Variants in MAGOHB observed in about 807,000 individuals in gnomAD.
MAGOHB encodes mago homolog B, exon junction complex subunit, also known as protein mago nashi homolog 2.
A neutral mutation model predicts 20.9 loss-of-function variants in MAGOHB; 15 were observed. The observed-to-expected ratio is 0.72, with a 90% CI of 0.48 to 1.11. The LOEUF is 1.11. Among genes scored for constraint, MAGOHB ranks in the 50% least tolerant of loss-of-function variants. MAGOHB has a pLI of 0.00. For synonymous variants in MAGOHB, 50 were observed against 57.9 expected (o/e 0.86, Z 0.62); for missense variants, 162 against 177.6 (o/e 0.91, Z 0.50).
chr12:10,607,637 G>T (rs954622757), intron 4 of MAGOHB, among the ~76,000 whole-genome samples: 6 of 152,118 alleles, frequency 3.9e-5, no homozygotes, highest in Non-Finnish European at 8.8e-5. Flanking sequence ...ATATACAGCT[G>T]TTGGATTAAA....
downstream of MAGOHB, among the ~76,000 whole-genome samples, chr12:10,600,862 A>C (rs1865547377): frequency 6.6e-6 from 1 of 152,216 alleles, no homozygotes; most frequent in South Asian, 2.1e-4. Flanking sequence ...AGAGAGGCAC[A>C]GAACAGCAGG....
chr12:10,609,713 G>A lies in MAGOHB; in HGVS notation c.264+118C>T. 4.6e-6 allele frequency: 3 copies of A among 646,818 alleles called. No homozygotes were observed. In the South Asian group the frequency reaches 5.9e-5, roughly 13 times the overall value. The allele number at this position is 646,818 out of a possible 1,614,324, so 40.1% of individuals were successfully genotyped here. A position where few individuals can be genotyped will look rare whatever the true frequency, so the allele number is the denominator to read the frequency against. ...TAAAATTAAAGAGAATTTACCAGGT[G>A]CCTATTAAATAGAAAGCCAAAGAAT... On this transcript the variant is annotated intron_variant, in intron 3 of 4. Coordinates refer to ENST00000320756, the MANE Select transcript of MAGOHB (RefSeq NM_018048.5).
downstream of MAGOHB, among the ~76,000 whole-genome samples, chr12:10,601,217 CAG>C (rs1162409352): frequency 6.6e-6 from 1 of 152,120 alleles, no homozygotes; most frequent in African/African-American, 2.4e-5. Context: ...GAAAAGGTGA[CAG>C]AGATACTGTC....
intron 1 of MAGOHB, chr12:10,612,714 T>C: frequency 8.6e-7 from 1 of 1,160,978 alleles, no homozygotes. Flanking sequence ...TATATCCAAA[T>C]GAACTTTCTT....
chr12:10,612,238 AACATAACAT>A (rs1173169329), intron 1 of MAGOHB, among the ~76,000 whole-genome samples: 23 of 149,618 alleles, frequency 1.5e-4, no homozygotes, highest in African/African-American at 5.5e-4. Context: ...AACATAACAT[AACATAACAT>A]AATTAGCTGG....
chr12:10,605,241 G>A lies in MAGOHB; in HGVS notation c.*1034C>T, dbSNP rs1156427493. On this transcript the variant is annotated 3_prime_UTR_variant, in exon 5 of 5. Transcript: ENST00000320756. ...TACCCTATTGGACTGCACATAGAAC[G>A]TTTCCATTATTGCAAAAAAGTTATT... The A allele has an allele frequency of 3.9e-5, 6 of 152,166 alleles. No individual in the cohort carries two copies. The highest frequency in any genetic ancestry group is 4.1e-4 in the South Asian group (2 of 4,826). The allele number at this position is 152,166 out of a possible 1,614,324, so 9.4% of individuals were successfully genotyped here.
intron 1 of MAGOHB, among the ~76,000 whole-genome samples, chr12:10,612,247 T>TAACATAACATAACATAACATA (rs1555146632): frequency 6.5e-5 from 9 of 139,060 alleles, no homozygotes; most frequent in African/African-American, 2.4e-4. Context: ...TAACATAACA[T>TAACATAACATAACATAACATA]AATTAGCTGG....
downstream of MAGOHB, among the ~76,000 whole-genome samples, chr12:10,602,697 CTCA>C (rs1865564503): frequency 6.6e-6 from 1 of 152,180 alleles, no homozygotes; most frequent in Non-Finnish European, 1.5e-5. Context: ...TATTAATTTG[CTCA>C]TCTTCTGGCT....
rs757118689 is a variant in MAGOHB at position 10,606,209 on chromosome 12, C to G, written c.*66G>C. 191 of 873,570 alleles carry G rather than the reference C, an allele frequency of 2.2e-4. No homozygotes were observed. Among genetic ancestry groups the G allele is most frequent in the Non-Finnish European group, 3.1e-4 (180 of 572,640 alleles). 54.1% of individuals were successfully genotyped at this position (873,570 alleles called of 1,614,324 possible). Reference sequence around the variant, plus strand: ...CTTCACATTCATAAAAACCCCAATACTGTAAATGACAAATAACCCCTCCCA... The same window carrying G: ...CTTCACATTCATAAAAACCCCAATAGTGTAAATGACAAATAACCCCTCCCA... On this transcript the variant is annotated 3_prime_UTR_variant, in exon 5 of 5. Transcript: ENST00000320756.
downstream of MAGOHB, among the ~76,000 whole-genome samples, chr12:10,601,072 C>T (rs1865549585): frequency 6.6e-6 from 1 of 152,106 alleles, no homozygotes; most frequent in African/African-American, 2.4e-5. Flanking sequence ...CTTCGTCAAT[C>T]CCAAATCAGA....
At chr12:10,609,962 AATGAG>A in intron 2 of MAGOHB, 21 bp from the exon 3 acceptor site, 1 of 1,383,204 alleles carries the variant, frequency 7.2e-7, no homozygotes, top group Non-Finnish European at 1.0e-6. Context: ...ATCATAATAA[AATGAG>A]ATAATGCCCA....
chr12:10,611,662 C>A (rs764409281), intron 1 of MAGOHB, among the ~76,000 whole-genome samples: 10 of 144,892 alleles, frequency 6.9e-5, no homozygotes, highest in African/African-American at 2.1e-4. Context: ...GCAGGAGAAT[C>A]GCTTCAATCC....
rs143571407 is a variant in MAGOHB, at chr12:10,613,519, C to T, written c.14G>A (p.Ser5Asn). Reference sequence around the variant, plus strand: ...TACGTAGTAGCGCAGGTAGAAATCGCTAGCCACAGCCATTTTTGTACCCGG... The same window carrying T: ...TACGTAGTAGCGCAGGTAGAAATCGTTAGCCACAGCCATTTTTGTACCCGG... MAVA[S>N]DFYLRYYVGH... Residue 5 changes from serine to asparagine, a missense_variant, in exon 1 of 5, where the codon AGC becomes AAC. Physicochemically the swap from Ser to Asn is conservative, Grantham distance 46. Coordinates refer to ENST00000320756, the MANE Select transcript of MAGOHB (RefSeq NM_018048.5). 269 of 1,613,832 alleles carry T rather than the reference C, an allele frequency of 1.7e-4. No homozygotes were observed. Among genetic ancestry groups the T allele is most frequent in the Non-Finnish European group, 2.1e-4 (250 of 1,179,828 alleles).
intron 1 of MAGOHB, chr12:10,612,691 A>T: frequency 8.7e-7 from 1 of 1,156,010 alleles, no homozygotes. Context: ...CATTCAAAAA[A>T]ACCCAAAAAA....
rs545799442 is a variant in MAGOHB at position 10,605,142 on chromosome 12, G to C, written c.*1133C>G. ...ATCCTTTTCACGTTAGAAAAAAATT[G>C]TTTAAATAGCACCATAAATTCAGTT... On this transcript the variant is annotated 3_prime_UTR_variant, in exon 5 of 5. Coordinates refer to ENST00000320756, the MANE Select transcript of MAGOHB (RefSeq NM_018048.5). 6.6e-6 allele frequency: 1 copy of C among 152,260 alleles called. No individual in the cohort carries two copies. The highest frequency in any genetic ancestry group is 6.5e-5 in the Admixed American group (1 of 15,286). The allele number at this position is 152,260 out of a possible 1,614,324, so 9.4% of individuals were successfully genotyped here.
At chr12:10,606,981 T>C (rs1289203255) in intron 4 of MAGOHB, among the ~76,000 whole-genome samples, 1 of 152,204 alleles carries the variant, frequency 6.6e-6, no homozygotes. Flanking sequence ...CAGTTTTTGA[T>C]GCATATTACC....
rs748662439 is a variant in MAGOHB, at chr12:10,607,945, T to C, written c.265-9A>G. The C allele has an allele frequency of 1.1e-5, 16 of 1,499,826 alleles. No homozygotes were observed. Among genetic ancestry groups the C allele is most frequent in the Non-Finnish European group, 1.5e-5 (16 of 1,092,864 alleles). The allele number at this position is 1,499,826 out of a possible 1,614,324, so 92.9% of individuals were successfully genotyped here. On this transcript the variant is annotated splice_polypyrimidine_tract_variant and intron_variant, in intron 3 of 4. Coordinates refer to ENST00000320756, the MANE Select transcript of MAGOHB (RefSeq NM_018048.5). ...ATTACAATTTCAAGCTCCTAAAAAA[T>C]ATAGCAGAAAAATGTAGTTAATATA...
intron 4 of MAGOHB, among the ~76,000 whole-genome samples, chr12:10,606,644 G>GA (rs1347795641): frequency 6.6e-6 from 1 of 151,484 alleles, no homozygotes; most frequent in African/African-American, 2.4e-5. Flanking sequence ...TAATAAAGCA[G>GA]AAAAAAATAA....
chr12:10,600,713 C>T (rs1342685391), downstream of MAGOHB, among the ~76,000 whole-genome samples: 1 of 152,112 alleles, frequency 6.6e-6, no homozygotes, highest in African/African-American at 2.4e-5. Flanking sequence ...TGAGGCAGAC[C>T]CTGCCAGAAT....
Sources: allele counts gnomAD v4.1 joint callset (sites outside exome capture counted in the v4.1 genomes callset), GRCh38; gene constraint gnomAD v4.1.1; transcripts MANE v1.5; gene names NCBI Gene and HGNC (gene_info 2026-07-23, HGNC 2026-07-21).